Variants in NIPSNAP1 observed in about 807,000 individuals in gnomAD.
The protein encoded by NIPSNAP1 is protein NipSnap homolog 1.
In NIPSNAP1, 25 loss-of-function variants were observed where a neutral mutation model predicts 49.2. The ratio of observed to expected loss-of-function variants is 0.51; its 90% CI spans 0.37 to 0.71. The LOEUF (loss-of-function observed/expected upper bound fraction) is 0.71, where lower values mean the gene tolerates loss of function less well. Ranked by LOEUF, NIPSNAP1 falls within the 30% of genes least tolerant of loss-of-function variation. NIPSNAP1 has a pLI of 0.00. For synonymous variants in NIPSNAP1, 143 were observed against 140.7 expected, an observed-to-expected ratio of 1.02 and a Z score of -0.12; for missense variants, 294 against 361.0, an observed-to-expected ratio of 0.81 and a Z score of 1.50.
chr22:29,575,673 T>G (rs1310420167), intron 1 of NIPSNAP1, among the ~76,000 whole-genome samples: 2 of 151,892 alleles, frequency 1.3e-5, no homozygotes, highest in Non-Finnish European at 2.9e-5. Context: ...TTTGGGAGGC[T>G]GACGCAAGAG....
intron 3 of NIPSNAP1, among the ~76,000 whole-genome samples, chr22:29,569,608 G>C (rs897721388): frequency 2.6e-5 from 4 of 151,002 alleles, no homozygotes; most frequent in Admixed American, 6.6e-5. Context: ...TTTTGCTCTT[G>C]TTGCCCAGGC....
Position 29,578,720 on chromosome 22 carries a change from C to T in NIPSNAP1, c.98+2265G>A, listed in dbSNP as rs555549610. Among the ~76,000 whole-genome samples the T allele has an allele frequency of 1.3e-3, 203 of 151,300 alleles. 1 individual carries two copies. Among genetic ancestry groups the T allele is most frequent in the Middle Eastern group, 6.8e-3 (2 of 294 alleles). ...TCAAGTGGCTTCATAGCAATCCTGC[C>T]GAAAACACCAACATCCCCACTTTAC... is the stretch of plus-strand genomic sequence containing the variant. On this transcript the variant is annotated intron_variant, in intron 1 of 9. Transcript: ENST00000216121.
At chr22:29,574,279 A>AAAAAAAAAAAAAAG (rs2064433324) in intron 1 of NIPSNAP1, among the ~76,000 whole-genome samples, 4 of 95,570 alleles carry the variant, frequency 4.2e-5, no homozygotes, top group African/African-American at 1.8e-4. Context: ...AAAAAAAAAA[A>AAAAAAAAAAAAAAG]AAAAAAAAAA....
intron 1 of NIPSNAP1, chr22:29,579,948 T>C (rs62227968): frequency 0.32 from 186,901 of 580,220 alleles, 32,600 homozygotes; most frequent in Admixed American, 0.42. Flanking sequence ...CCACTCCTCT[T>C]TCCCAGCTGT....
intron 1 of NIPSNAP1, 55 bp downstream of exon 1, chr22:29,580,930 C>T: frequency 7.2e-7 from 1 of 1,397,802 alleles, no homozygotes; most frequent in Non-Finnish European, 9.5e-7. Context: ...GTCCCTGGCC[C>T]CCGCGCCTGC....
At chr22:29,569,321 C>T in intron 3 of NIPSNAP1, 34 bp from the exon 4 acceptor site, 1 of 1,528,354 alleles carries the variant, frequency 6.5e-7, no homozygotes, top group South Asian at 1.1e-5. Context: ...GCAGGGTTCA[C>T]ATAGCCACCA....
chr22:29,574,512 C>G (rs183459805), intron 1 of NIPSNAP1, among the ~76,000 whole-genome samples: 1 of 152,068 alleles, frequency 6.6e-6, no homozygotes, highest in African/African-American at 2.4e-5. Flanking sequence ...GGTGCGGTGG[C>G]TCATGCCTGT....
intron 1 of NIPSNAP1, among the ~76,000 whole-genome samples, chr22:29,574,261 CA>C (rs1158442759): frequency 7.1e-4 from 26 of 36,688 alleles, no homozygotes; most frequent in South Asian, 1.9e-3. Flanking sequence ...TCCATCTTCA[CA>C]AAAAAAAAAA....
chr22:29,564,368 T>A, intron 4 of NIPSNAP1: 1 of 471,020 alleles, frequency 2.1e-6, no homozygotes, highest in South Asian at 1.5e-5. Flanking sequence ...AAACCAGGAA[T>A]GACCTGTGGA....
At chr22:29,561,083 C>T in intron 7 of NIPSNAP1, 88 bp downstream of exon 7, 2 of 1,262,108 alleles carry the variant, frequency 1.6e-6, no homozygotes, top group Non-Finnish European at 2.3e-6. Context: ...GTGATATGGC[C>T]CTGGAAAAGG....
At position 29,569,049 on chromosome 22, in the gene NIPSNAP1, G is replaced by C. The variant is rs74354475; in HGVS notation, c.367+144C>G. ...CACAGGGGAGCCAGGACAGGTATTT[G>C]AGCAGGGGAGTGAGGTGATGAGGTT... On this transcript the variant is annotated intron_variant, in intron 4 of 9. Transcript: ENST00000216121. 8.6e-3 allele frequency: 6,094 copies of C among 710,016 alleles called. 47 individuals are homozygous for C. Among genetic ancestry groups the C allele is most frequent in the Non-Finnish European group, 0.011 (4,293 of 394,462 alleles). 44.0% of individuals were successfully genotyped at this position (710,016 alleles called of 1,614,324 possible).
intron 8 of NIPSNAP1, among the ~76,000 whole-genome samples, chr22:29,559,852 G>A (rs1348256512): frequency 1.3e-5 from 2 of 152,148 alleles, no homozygotes; most frequent in Non-Finnish European, 2.9e-5. Flanking sequence ...CGCCTACCAA[G>A]CACTCTTAAC....
chr22:29,561,267 G>A, intron 6 of NIPSNAP1, 65 bp from the exon 7 acceptor site: 2 of 1,588,790 alleles, frequency 1.3e-6, no homozygotes, highest in East Asian at 4.5e-5. Context: ...ATCACAGCTT[G>A]GCAAGGAAGG....
At chr22:29,578,474 G>A (rs1478384797) in intron 1 of NIPSNAP1, among the ~76,000 whole-genome samples, 3 of 151,046 alleles carry the variant, frequency 2.0e-5, no homozygotes, top group Non-Finnish European at 4.4e-5. Context: ...GCCTGGCCCA[G>A]GTCCATCTGA....
chr22:29,560,678 G>A lies in NIPSNAP1; in HGVS notation c.706+56C>T, dbSNP rs944421039. 12 of 1,384,148 alleles carry A rather than the reference G, an allele frequency of 8.7e-6. No individual in the cohort carries two copies. In the African/African-American group the frequency reaches 1.6e-4, roughly 18 times the overall value. The allele number at this position is 1,384,148 out of a possible 1,614,324, so 85.7% of individuals were successfully genotyped here. A position where few individuals can be genotyped will look rare whatever the true frequency, so the allele number is the denominator to read the frequency against. On this transcript the variant is annotated intron_variant, in intron 8 of 9. Coordinates refer to ENST00000216121, the MANE Select transcript of NIPSNAP1 (RefSeq NM_003634.4). Reference sequence around the variant, plus strand: ...CTAATACAACCCCATTGGCTACAGAGAGTGATGACAGAGAAAGAGAACTAA... The same window carrying A: ...CTAATACAACCCCATTGGCTACAGAAAGTGATGACAGAGAAAGAGAACTAA...
At position 29,577,321 on chromosome 22, in the gene NIPSNAP1, C is replaced by CG. The variant is rs374845797; in HGVS notation, c.98+3663dup. ...AGGCTGGAGTGCAATGGCACGATCT[C>CG]GGCTCACTGCAACTTCCACCTCCCA... On this transcript the variant is annotated intron_variant, in intron 1 of 9. Transcript: ENST00000216121. 1.4e-3 allele frequency among the ~76,000 whole-genome samples: 210 copies of CG among 150,902 alleles called. 10 individuals carry two copies. Among genetic ancestry groups the CG allele is most frequent in the African/African-American group, 4.9e-3 (200 of 40,526 alleles).
chr22:29,574,261 C>CAAAAAAAAAAAAAAAAAAAAA (rs1158442759), intron 1 of NIPSNAP1, among the ~76,000 whole-genome samples: 4 of 36,694 alleles, frequency 1.1e-4, no homozygotes, highest in African/African-American at 1.0e-4. Flanking sequence ...TCCATCTTCA[C>CAAAAAAAAAAAAAAAAAAAAA]AAAAAAAAAA....
chr22:29,558,324 CTGGACA>C (rs1330051263), intron 9 of NIPSNAP1, among the ~76,000 whole-genome samples: 2 of 151,888 alleles, frequency 1.3e-5, no homozygotes, highest in African/African-American at 4.8e-5. Flanking sequence ...ACAAAATTAG[CTGGACA>C]TGGTGACACA....
intron 1 of NIPSNAP1, among the ~76,000 whole-genome samples, chr22:29,579,416 C>T (rs1489518742): frequency 2.0e-5 from 3 of 151,606 alleles, no homozygotes; most frequent in South Asian, 2.1e-4. Flanking sequence ...CCTGCCTCAG[C>T]CTCCTGAGTA....
Sources: gnomAD v4.1 joint callset for allele counts (sites outside exome capture counted in the v4.1 genomes callset) on GRCh38, gnomAD v4.1.1 for gene constraint, MANE v1.5 for transcripts, NCBI Gene and HGNC (gene_info 2026-07-23, HGNC 2026-07-21) for gene names.